The following SHCBP1L variants were observed in gnomAD, a reference collection of about 807,000 sequenced individuals.
The protein encoded by SHCBP1L is SHC binding and spindle associated 1 like, also known as testicular spindle-associated protein SHCBP1L.
A neutral mutation model predicts 62.5 loss-of-function variants in SHCBP1L; 67 were observed. The observed-to-expected ratio is 1.07, with a 90% CI of 0.88 to 1.31. The LOEUF is 1.31. Ranked by LOEUF, SHCBP1L falls within the 40% of genes most tolerant of loss-of-function variation. SHCBP1L has a pLI of 0.00. For missense variants in SHCBP1L, 823 were observed against 809.8 expected (o/e 1.02, Z -0.20); for synonymous variants, 284 against 289.4 (o/e 0.98, Z 0.19).
At chr1:182,940,572 A>G in intron 2 of SHCBP1L, 29 bp from the exon 3 acceptor site, 1 of 1,577,330 alleles carries the variant, frequency 6.3e-7, no homozygotes, top group East Asian at 2.3e-5. Context: ...GAGATAAGAG[A>G]TATAGTTATA....
rs199794601 is a variant in SHCBP1L at position 182,924,701 on chromosome 1, GAAGAAAGA to G, written c.1182+4938_1182+4945del. ...GAAAGGAAAGGAAAGGAAAGGAAAG[GAAGAAAGA>G]AAGAAAGAAAGAAAGAAAGAAAGAA... On this transcript the variant is annotated intron_variant, in intron 6 of 9. Transcript: ENST00000367547. 9.7e-3 allele frequency among the ~76,000 whole-genome samples: 321 copies of G among 33,160 alleles called. 7 individuals are homozygous for G. The highest frequency in any genetic ancestry group is 0.023 in the East Asian group (30 of 1,294). The allele number at this position is 33,160 out of a possible 152,430, so 21.8% of individuals were successfully genotyped here.
Position 182,900,005 on chromosome 1 carries a change from T to C in SHCBP1L, c.1940A>G (p.Asp647Gly), listed in dbSNP as rs778035927. The change falls in exon 10 of 10, where the codon GAT becomes GGT. Residue 647 changes from aspartate (D) to glycine (G), a missense_variant. Transcript: ENST00000367547. ...GCTTTAACTTGTGACTATTCTGATA[T>C]CCCCCTTGACGTTTGCTTCTATCTT... is the stretch of plus-strand genomic sequence containing the variant. ...NNKIEANVKGDIRIVTS is the reference protein window; with the variant it reads ...NNKIEANVKGGIRIVTS 1 of 1,607,566 alleles carries C rather than the reference T, an allele frequency of 6.2e-7. No individual in the cohort carries two copies. The highest frequency in any genetic ancestry group is 8.5e-7 in the Non-Finnish European group (1 of 1,177,502).
intron 2 of SHCBP1L, among the ~76,000 whole-genome samples, chr1:182,945,264 A>G (rs1651523089): frequency 1.3e-5 from 2 of 151,974 alleles, no homozygotes; most frequent in Admixed American, 1.3e-4. Context: ...GCGCCCAGCC[A>G]TTTGCTCATT....
chr1:182,915,419 A>G (rs1288230380), intron 6 of SHCBP1L, among the ~76,000 whole-genome samples: 1 of 152,172 alleles, frequency 6.6e-6, no homozygotes, highest in Admixed American at 6.5e-5. Flanking sequence ...CAAACCAAAC[A>G]ACAAGGTCTC....
chr1:182,940,576 A>G, intron 2 of SHCBP1L, 33 bp from the exon 3 acceptor site: 1 of 1,561,984 alleles, frequency 6.4e-7, no homozygotes, highest in Admixed American at 1.8e-5. Flanking sequence ...TAAGAGATAT[A>G]GTTATAAATA....
chr1:182,940,479 G>A lies in SHCBP1L; in HGVS notation c.620C>T (p.Pro207Leu), dbSNP rs1333255939. The A allele has an allele frequency of 3.1e-6, 5 of 1,613,766 alleles. No individual in the cohort carries two copies. Among genetic ancestry groups the A allele is most frequent in the African/African-American group, 1.3e-5 (1 of 74,872 alleles). The change falls in exon 3 of 10, where the codon CCC (proline) becomes CTC (leucine). Residue 207 changes from proline (P) to leucine (L), a missense_variant. Transcript: ENST00000367547. ...AATATTTGCAATGTTGGAAGAAAAGGGCTCAGCAACAGAAACAGTAACTTT... is the reference window on the plus strand; with the variant it reads ...AATATTTGCAATGTTGGAAGAAAAGAGCTCAGCAACAGAAACAGTAACTTT... ...RFKVTVSVAE[P>L]FSSNIANIPR...
intron 5 of SHCBP1L, among the ~76,000 whole-genome samples, chr1:182,932,456 T>G (rs1018521500): frequency 6.7e-6 from 1 of 149,430 alleles, no homozygotes; most frequent in African/African-American, 2.5e-5. Context: ...TAGGAATTTT[T>G]TATGGAATTT....
At chr1:182,920,043 C>A (rs1292408524) in intron 6 of SHCBP1L, among the ~76,000 whole-genome samples, 3 of 152,208 alleles carry the variant, frequency 2.0e-5, no homozygotes, top group African/African-American at 7.2e-5. Flanking sequence ...CAGTCCCACC[C>A]TCGCTGGCAC....
At chr1:182,948,870 T>C (rs936265258) in intron 2 of SHCBP1L, among the ~76,000 whole-genome samples, 1 of 152,200 alleles carries the variant, frequency 6.6e-6, no homozygotes, top group Non-Finnish European at 1.5e-5. Context: ...TGCAGCACTA[T>C]CTTAAGAGGT....
intron 2 of SHCBP1L, among the ~76,000 whole-genome samples, chr1:182,943,302 G>A (rs1389849146): frequency 3.8e-5 from 2 of 52,442 alleles, no homozygotes; most frequent in Non-Finnish European, 7.6e-5. Flanking sequence ...TTTTTTTTTT[G>A]GTACAGACAG....
chr1:182,912,669 T>A, intron 6 of SHCBP1L, among the ~76,000 whole-genome samples: 1 of 151,806 alleles, frequency 6.6e-6, no homozygotes, highest in East Asian at 2.0e-4. Context: ...ATTACAGGTG[T>A]GCACCACCAC....
chr1:182,952,240 A>ACC (rs1651798403), intron 1 of SHCBP1L, among the ~76,000 whole-genome samples: 1 of 107,870 alleles, frequency 9.3e-6, no homozygotes, highest in Admixed American at 9.7e-5. Context: ...ATATATACAC[A>ACC]CACACACACA....
intron 2 of SHCBP1L, among the ~76,000 whole-genome samples, chr1:182,941,188 T>A (rs575019527): frequency 7.7e-5 from 10 of 130,118 alleles, no homozygotes; most frequent in African/African-American, 2.9e-4. Context: ...AACAAAAGCA[T>A]GTTAAAAAAA....
chr1:182,939,789 T>G (rs41272530), intron 3 of SHCBP1L, among the ~76,000 whole-genome samples: 2 of 152,274 alleles, frequency 1.3e-5, no homozygotes, highest in Non-Finnish European at 2.9e-5. Context: ...TTTCTAAATT[T>G]TATAGATTTT....
In SHCBP1L at chr1:182,952,723, G is replaced by A; in HGVS notation, c.405+6C>T. ...ACCGTAGTCTTCCTGTCCCGGATCC[G>A]CTCACCTTACAGTCCTGCAGCACTT... On this transcript the variant is annotated splice_donor_region_variant and intron_variant, in intron 1 of 9. Transcript: ENST00000367547. The A allele has an allele frequency of 6.3e-7, 1 of 1,595,956 alleles. No homozygotes were observed. Among genetic ancestry groups the A allele is most frequent in the South Asian group, 1.1e-5 (1 of 88,734 alleles).
chr1:182,938,591 G>A (rs1386859392), intron 5 of SHCBP1L, among the ~76,000 whole-genome samples: 1 of 152,072 alleles, frequency 6.6e-6, no homozygotes, highest in Non-Finnish European at 1.5e-5. Flanking sequence ...CTCCCAAGTA[G>A]CTGAGACTAC....
At chr1:182,906,259 A>G (rs923676853) in intron 6 of SHCBP1L, among the ~76,000 whole-genome samples, 1 of 151,890 alleles carries the variant, frequency 6.6e-6, no homozygotes, top group African/African-American at 2.4e-5. Context: ...TACCCCCGCT[A>G]TAAGGTTAAG....
chr1:182,939,258 C>T lies in SHCBP1L; in HGVS notation c.994G>A (p.Glu332Lys). The change falls in exon 5 of 10, where the codon GAG (glutamate) becomes AAG (lysine). Residue 332 changes from glutamate to lysine, a missense_variant. Coordinates refer to ENST00000367547, the MANE Select transcript of SHCBP1L (RefSeq NM_030933.4). Reference sequence around the variant, plus strand: ...TATTTTTTCCAGCATTCAACAGCCTCTGCTGCAGATGGATCTTCTTTAATA... The same window carrying T: ...TATTTTTTCCAGCATTCAACAGCCTTTGCTGCAGATGGATCTTCTTTAATA... ...SNIKEDPSAA[E>K]AVECWKKYYE... The T allele has an allele frequency of 6.2e-7, 1 of 1,614,000 alleles. No homozygotes were observed. The highest frequency in any genetic ancestry group is 8.5e-7 in the Non-Finnish European group (1 of 1,179,962).
chr1:182,900,848 T>C (rs1649811413), intron 9 of SHCBP1L, among the ~76,000 whole-genome samples: 1 of 151,398 alleles, frequency 6.6e-6, no homozygotes, highest in Non-Finnish European at 1.5e-5. Context: ...GCCTGGGCAA[T>C]ATAGCAAGAC....
Sources: allele counts gnomAD v4.1 joint callset (sites outside exome capture counted in the v4.1 genomes callset), GRCh38; gene constraint gnomAD v4.1.1; transcripts MANE v1.5; gene names NCBI Gene and HGNC (gene_info 2026-07-23, HGNC 2026-07-21).